Variants in RCHY1 observed in about 807,000 individuals in gnomAD.
RCHY1 encodes the protein RING finger and CHY zinc finger domain-containing protein 1.
RCHY1 carries 21 observed loss-of-function variants against 41.6 expected under a neutral mutation model. The observed-to-expected ratio is 0.51, with a 90% confidence interval of 0.36 to 0.73. The LOEUF (loss-of-function observed/expected upper bound fraction) is 0.73. Ranked by LOEUF, RCHY1 falls within the 30% of genes least tolerant of loss-of-function variation. The probability of loss-of-function intolerance (pLI) is 0.00; values close to 1 mark genes in which losing one functional copy is unlikely to be tolerated. For missense variants in RCHY1, 265 were observed against 325.3 expected, an observed-to-expected ratio of 0.81 and a Z score of 1.43; for synonymous variants, 79 against 102.9, an observed-to-expected ratio of 0.77 and a Z score of 1.41.
rs920124149 is a variant in RCHY1 at position 75,508,972 on chromosome 4, A to G, written c.211-37T>C. 3 of 1,416,298 alleles carry G rather than the reference A, an allele frequency of 2.1e-6. No homozygotes were observed. In the African/African-American group the frequency reaches 4.3e-5, roughly 20 times the overall value. The allele number at this position is 1,416,298 out of a possible 1,614,324, so 87.7% of individuals were successfully genotyped here. A position where few individuals can be genotyped will look rare whatever the true frequency, so the allele number is the denominator to read the frequency against. ...ACATAATTAAAAACTGCAATAAACT[A>G]AACATTTTGAGTTACCATTTGAATA... On this transcript the variant is annotated intron_variant, in intron 2 of 8. Coordinates refer to ENST00000324439, the MANE Select transcript of RCHY1 (RefSeq NM_015436.4).
At position 75,491,857 on chromosome 4, in the gene RCHY1, G is replaced by C. The variant is rs568013596; in HGVS notation, c.450+32C>G. ...CAAGTATTTTAAATTCAAGAGCTGA[G>C]ACTTCCAAAGTAAAAAATATTTTAA... On this transcript the variant is annotated intron_variant, in intron 5 of 8. Transcript: ENST00000324439. The C allele has an allele frequency of 7.5e-6, 12 of 1,604,816 alleles. No individual in the cohort carries two copies. In the African/African-American group the frequency reaches 1.2e-4, roughly 16 times the overall value.
At chr4:75,513,022 G>A (rs145966517) in intron 1 of RCHY1, among the ~76,000 whole-genome samples, 93 of 151,912 alleles carry the variant, frequency 6.1e-4, no homozygotes, top group African/African-American at 2.1e-3. Context: ...GTTAAATTCC[G>A]TTTTAGACCT....
At chr4:75,487,608 T>TATTCATAATATATATATTCATATAG (rs1722222406) in intron 8 of RCHY1, among the ~76,000 whole-genome samples, 1 of 27,952 alleles carries the variant, frequency 3.6e-5, no homozygotes, top group Non-Finnish European at 6.1e-5. Flanking sequence ...TATTCATATA[T>TATTCATAATATATATATTCATATAG]ATTCATAATA....
chr4:75,504,370 C>T (rs1033935124), intron 3 of RCHY1, among the ~76,000 whole-genome samples: 4 of 152,130 alleles, frequency 2.6e-5, no homozygotes, highest in Non-Finnish European at 4.4e-5. Flanking sequence ...CTCTCTTCTT[C>T]CTCCCTCTTT....
At chr4:75,489,719 C>A (rs1346868280) in intron 8 of RCHY1, among the ~76,000 whole-genome samples, 1 of 152,126 alleles carries the variant, frequency 6.6e-6, no homozygotes, top group Admixed American at 6.6e-5. Flanking sequence ...ATGCATTATG[C>A]CAAAGTGTAT....
At chr4:75,507,575 A>T (rs1273606159) in intron 3 of RCHY1, among the ~76,000 whole-genome samples, 1 of 152,110 alleles carries the variant, frequency 6.6e-6, no homozygotes, top group African/African-American at 2.4e-5. Flanking sequence ...TGAAAAATTA[A>T]AATTCAACTA....
chr4:75,509,759 T>G, intron 1 of RCHY1: 1 of 172,780 alleles, frequency 5.8e-6, no homozygotes, highest in Non-Finnish European at 1.2e-5. Context: ...TTATCAGGAG[T>G]TTCCACTTTT....
In RCHY1 at chr4:75,491,720, TTACC is replaced by T; in HGVS notation, c.509_509+3del. The T allele has an allele frequency of 6.2e-7, 1 of 1,611,854 alleles. No individual in the cohort carries two copies. Among genetic ancestry groups the T allele is most frequent in the Non-Finnish European group, 8.5e-7 (1 of 1,178,426 alleles). On this transcript the variant is annotated splice_donor_variant and splice_donor_region_variant and coding_sequence_variant and intron_variant, in exon 6 of 9. Coordinates refer to ENST00000324439, the MANE Select transcript of RCHY1 (RefSeq NM_015436.4). LOFTEE classifies it high-confidence loss of function. ...ACATCATTGAGAAAAAGATGTTACT[TTACC>T]TATGTAAAAGATGTCCACATGGCAA...
At chr4:75,489,406 C>T (rs575803743) in intron 8 of RCHY1, among the ~76,000 whole-genome samples, 1 of 152,280 alleles carries the variant, frequency 6.6e-6, no homozygotes, top group South Asian at 2.1e-4. Context: ...AAATGTGTTT[C>T]TCTCATGGGA....
chr4:75,490,926 T>C, intron 7 of RCHY1: 1 of 374,468 alleles, frequency 2.7e-6, no homozygotes, highest in Non-Finnish European at 4.8e-6. Flanking sequence ...TACTCTAAAA[T>C]GGAGAGGAAT....
chr4:75,497,794 C>T (rs193088792), intron 3 of RCHY1, among the ~76,000 whole-genome samples: 1 of 151,326 alleles, frequency 6.6e-6, no homozygotes, highest in Non-Finnish European at 1.5e-5. Flanking sequence ...ATTCAAAAAG[C>T]TCAACAAACC....
At chr4:75,506,473 TA>T (rs1351704844) in intron 3 of RCHY1, among the ~76,000 whole-genome samples, 1 of 151,840 alleles carries the variant, frequency 6.6e-6, no homozygotes, top group Non-Finnish European at 1.5e-5. Context: ...ACCTGACAAC[TA>T]GAAAATAACA....
At chr4:75,506,420 T>C (rs1237094419) in intron 3 of RCHY1, among the ~76,000 whole-genome samples, 2 of 151,882 alleles carry the variant, frequency 1.3e-5, no homozygotes, top group Non-Finnish European at 1.5e-5. Flanking sequence ...CTTTAAATCA[T>C]CTGTGATCAA....
At chr4:75,494,506 TATA>T in intron 3 of RCHY1, 1 of 241,530 alleles carries the variant, frequency 4.1e-6, no homozygotes, top group Non-Finnish European at 7.8e-6. Context: ...TTTCACTTGA[TATA>T]TTCTGAGGAT....
At position 75,482,480 on chromosome 4, in the gene RCHY1, A is replaced by G; in HGVS notation, c.*58T>C. ...TGACGACACATGATAACACGATACCAAGGAAAGCCTTTTTCTATATCAGAA... is the reference window on the plus strand; with the variant it reads ...TGACGACACATGATAACACGATACCGAGGAAAGCCTTTTTCTATATCAGAA... On this transcript the variant is annotated 3_prime_UTR_variant, in exon 9 of 9. Transcript: ENST00000324439. 2.0e-6 allele frequency: 3 copies of G among 1,501,492 alleles called. No homozygotes were observed. In the South Asian group the frequency reaches 4.0e-5, roughly 20 times the overall value. 93.0% of individuals were successfully genotyped at this position (1,501,492 alleles called of 1,614,324 possible). A position where few individuals can be genotyped will look rare whatever the true frequency, so the allele number is the denominator to read the frequency against.
intron 4 of RCHY1, among the ~76,000 whole-genome samples, chr4:75,492,873 T>G (rs902418597): frequency 1.3e-5 from 2 of 151,998 alleles, no homozygotes; most frequent in Admixed American, 6.6e-5. Context: ...CACTTTAGTC[T>G]TAACGTTTCT....
intron 3 of RCHY1, among the ~76,000 whole-genome samples, chr4:75,505,559 A>G (rs1724218596): frequency 6.6e-6 from 1 of 152,184 alleles, no homozygotes; most frequent in Admixed American, 6.5e-5. Context: ...CAAAAGTGAA[A>G]ATGAATTAGA....
Position 75,494,242 on chromosome 4 carries a change from T to C in RCHY1, c.327-63A>G, listed in dbSNP as rs558128830. The C allele has an allele frequency of 9.6e-5, 114 of 1,189,712 alleles. No homozygotes were observed. In the African/African-American group the frequency reaches 1.7e-3, roughly 18 times the overall value. The allele number at this position is 1,189,712 out of a possible 1,614,324, so 73.7% of individuals were successfully genotyped here. A position where few individuals can be genotyped will look rare whatever the true frequency, so the allele number is the denominator to read the frequency against. On this transcript the variant is annotated intron_variant, in intron 3 of 8. Coordinates refer to ENST00000324439, the MANE Select transcript of RCHY1 (RefSeq NM_015436.4). The stretch of plus-strand genomic sequence containing the variant: ...TTTTACTACAGTCATGATTTGTTCA[T>C]TATGTAAAACACAAGTTTAGTCTCT...
intron 4 of RCHY1, 133 bp from the exon 5 acceptor site, chr4:75,492,066 ATG>A: frequency 1.7e-6 from 1 of 589,392 alleles, no homozygotes; most frequent in South Asian, 3.3e-5. Context: ...TGCTTTTTAT[ATG>A]TAAGAAGAGT....
Sources: allele counts gnomAD v4.1 joint callset (sites outside exome capture counted in the v4.1 genomes callset), GRCh38; gene constraint gnomAD v4.1.1; transcripts MANE v1.5; gene names NCBI Gene and HGNC (gene_info 2026-07-23, HGNC 2026-07-21).